Variants in DPF3 observed in about 807,000 individuals in gnomAD.
DPF3 encodes zinc finger protein DPF3.
DPF3 carries 18 observed loss-of-function variants against 56.8 expected under a neutral mutation model. That is an observed-to-expected ratio of 0.32 (90% confidence interval 0.22 to 0.47). The LOEUF is 0.47. Among genes scored for constraint, DPF3 ranks in the 20% least tolerant of loss-of-function variants. The pLI, the probability that DPF3 is intolerant of heterozygous loss-of-function variation, is 1.00. For synonymous variants in DPF3, 188 were observed against 180.2 expected (o/e 1.04, Z -0.35); for missense variants, 403 against 488.8 (o/e 0.82, Z 1.65).
intron 2 of DPF3, among the ~76,000 whole-genome samples, chr14:72,762,550 T>A (rs1181238146): frequency 4.1e-5 from 6 of 147,088 alleles, no homozygotes; most frequent in Middle Eastern, 3.3e-3. Flanking sequence ...ATTTGTGATT[T>A]AAAAAAAAAA....
intron 9 of DPF3, among the ~76,000 whole-genome samples, chr14:72,629,175 G>A (rs1369626068): frequency 6.6e-6 from 1 of 152,180 alleles, no homozygotes. Flanking sequence ...TACATATGAA[G>A]TAGTTACAGG....
At chr14:72,622,459 G>C (rs778820256) in intron 9 of DPF3, among the ~76,000 whole-genome samples, 2 of 152,148 alleles carry the variant, frequency 1.3e-5, no homozygotes, top group Admixed American at 6.5e-5. Context: ...TTAGGATGGA[G>C]ACAGAAAACA....
intron 8 of DPF3, chr14:72,662,021 A>G (rs918612016): frequency 3.0e-6 from 3 of 985,018 alleles, no homozygotes; most frequent in Non-Finnish European, 2.4e-6. Flanking sequence ...ATTCAGATAA[A>G]AGGGGCTTGC....
chr14:72,842,285 C>G (rs1273530724), intron 1 of DPF3, among the ~76,000 whole-genome samples: 1 of 152,132 alleles, frequency 6.6e-6, no homozygotes, highest in Non-Finnish European at 1.5e-5. Context: ...CCAGCATGTT[C>G]CCAGCACCAC....
intron 1 of DPF3, chr14:72,892,273 G>A: frequency 1.3e-6 from 2 of 1,535,518 alleles, no homozygotes; most frequent in Non-Finnish European, 1.7e-6. Flanking sequence ...CAGCATCAGC[G>A]GTGTTGCAGC....
intron 3 of DPF3, among the ~76,000 whole-genome samples, chr14:72,746,570 G>A (rs932535766): frequency 5.9e-5 from 9 of 152,178 alleles, no homozygotes; most frequent in Non-Finnish European, 7.4e-5. Flanking sequence ...TGACAGTCAC[G>A]CATTCCAGCC....
intron 1 of DPF3, among the ~76,000 whole-genome samples, chr14:72,775,945 C>T (rs1479272620): frequency 1.3e-5 from 2 of 148,752 alleles, no homozygotes; most frequent in South Asian, 2.1e-4. Context: ...GCAATTTAAA[C>T]AGCAGAGGAC....
chr14:72,803,993 T>C (rs1338503578), intron 1 of DPF3, among the ~76,000 whole-genome samples: 1 of 152,128 alleles, frequency 6.6e-6, no homozygotes, highest in African/African-American at 2.4e-5. Context: ...TAGCTCAGCA[T>C]CTATGGTTGA....
At chr14:72,790,346 C>T (rs1040559552) in intron 1 of DPF3, among the ~76,000 whole-genome samples, 2 of 152,194 alleles carry the variant, frequency 1.3e-5, no homozygotes, top group Non-Finnish European at 2.9e-5. Flanking sequence ...CCCTCTATCA[C>T]CAGTGCCTAA....
intron 1 of DPF3, among the ~76,000 whole-genome samples, chr14:72,786,836 C>T (rs970969666): frequency 6.6e-6 from 1 of 152,222 alleles, no homozygotes; most frequent in Non-Finnish European, 1.5e-5. Flanking sequence ...GCAAGCAAAA[C>T]TCATAGCTGA....
At chr14:72,769,602 C>G (rs1191287686) in intron 2 of DPF3, among the ~76,000 whole-genome samples, 1 of 150,892 alleles carries the variant, frequency 6.6e-6, no homozygotes, top group Non-Finnish European at 1.5e-5. Flanking sequence ...ATCGCTTGAA[C>G]CCGGGAGGCA....
chr14:72,800,683 T>C (rs1410058945), intron 1 of DPF3, among the ~76,000 whole-genome samples: 2 of 152,012 alleles, frequency 1.3e-5, no homozygotes, highest in Non-Finnish European at 2.9e-5. Flanking sequence ...GATGCATGGA[T>C]GGATGCATGA....
chr14:72,720,498 C>G (rs1349045404), intron 5 of DPF3, among the ~76,000 whole-genome samples: 2 of 152,206 alleles, frequency 1.3e-5, no homozygotes, highest in Admixed American at 6.5e-5. Flanking sequence ...CAACATGGAA[C>G]CATTCAGCTG....
intron 1 of DPF3, among the ~76,000 whole-genome samples, chr14:72,802,220 C>T (rs1236894792): frequency 6.6e-6 from 1 of 152,124 alleles, no homozygotes; most frequent in Non-Finnish European, 1.5e-5. Flanking sequence ...CCTCAACATG[C>T]TTATATTTGA....
At chr14:72,817,113 G>A (rs148352081) in intron 1 of DPF3, among the ~76,000 whole-genome samples, 35 of 152,164 alleles carry the variant, frequency 2.3e-4, no homozygotes, top group Admixed American at 3.3e-4. Context: ...TCACAGCCCC[G>A]GGGGGACAGC....
chr14:72,808,689 A>G (rs1882899287), intron 1 of DPF3, among the ~76,000 whole-genome samples: 1 of 152,192 alleles, frequency 6.6e-6, no homozygotes. Flanking sequence ...CTGGGAGGAG[A>G]AAAACCAGCT....
At chr14:72,799,284 CCTCA>C (rs1892771102) in intron 1 of DPF3, among the ~76,000 whole-genome samples, 1 of 152,146 alleles carries the variant, frequency 6.6e-6, no homozygotes, top group Admixed American at 6.5e-5. Context: ...TCTACCTCTC[CCTCA>C]CTATCAGTTG....
Position 72,792,410 on chromosome 14 carries a change from CAAAAAAAGAAAAG to C in DPF3, c.33-20530_33-20518del, listed in dbSNP as rs143621730. 7.0e-3 allele frequency among the ~76,000 whole-genome samples: 1,054 copies of C among 149,566 alleles called. 12 individuals are homozygous for C. The highest frequency in any genetic ancestry group is 0.025 in the East Asian group (129 of 5,134). On this transcript the variant is annotated intron_variant, in intron 1 of 10. Coordinates refer to ENST00000556509, the MANE Select transcript of DPF3 (RefSeq NM_001280542.3). The stretch of plus-strand genomic sequence containing the variant: ...CTTTTTATTTTTTAGGAAGCAATGG[CAAAAAAAGAAAAG>C]AAAAAAAGAAAGAAAAGAAAAGAAA...
rs148907944 is a variant in DPF3, at chr14:72,838,222, G to A, written c.32+55835C>T. 2.1e-3 allele frequency among the ~76,000 whole-genome samples: 315 copies of A among 152,328 alleles called. 2 individuals carry two copies. The East Asian group carries it at 0.046, about 22-fold the overall frequency. On this transcript the variant is annotated intron_variant, in intron 1 of 10. Transcript: ENST00000556509. ...TAAAACACAGCACCAGGCCGGGCAC[G>A]GTGGCTCACGCCTGTAATTCCAGCA...
Sources: gnomAD v4.1 joint callset for allele counts (sites outside exome capture counted in the v4.1 genomes callset) on GRCh38, gnomAD v4.1.1 for gene constraint, MANE v1.5 for transcripts, NCBI Gene and HGNC (gene_info 2026-07-23, HGNC 2026-07-21) for gene names.